The following SFXN5 variants were observed in gnomAD, a reference collection of about 807,000 sequenced individuals.
The protein encoded by SFXN5 is sideroflexin-5.
Under a neutral mutation model 50.2 loss-of-function variants are expected in SFXN5, and 43 were observed. That is an observed-to-expected ratio of 0.86 (90% CI 0.67 to 1.11). SFXN5 has a LOEUF of 1.11. SFXN5 is among the 50% of genes least tolerant of loss of function. The pLI is 0.00. For missense variants in SFXN5, 463 were observed against 454.1 expected (o/e 1.02, Z -0.18); for synonymous variants, 203 against 185.8 (o/e 1.09, Z -0.75).
chr2:72,978,744 G>C (rs1265286759), intron 10 of SFXN5, among the ~76,000 whole-genome samples: 1 of 152,156 alleles, frequency 6.6e-6, no homozygotes, highest in Non-Finnish European at 1.5e-5. Flanking sequence ...TCCATTCCAT[G>C]TCTGGGTACA....
At chr2:73,024,672 G>A (rs1337017889) in intron 3 of SFXN5, among the ~76,000 whole-genome samples, 1 of 152,068 alleles carries the variant, frequency 6.6e-6, no homozygotes, top group Non-Finnish European at 1.5e-5. Context: ...AAAAAAAAAG[G>A]ACACCATGGG....
rs1238019019 is a variant in SFXN5, at chr2:72,964,552, A to G, written c.828-3304T>C. On this transcript the variant is annotated intron_variant, in intron 12 of 13. Transcript: ENST00000272433. ...AGAAAGAGGTGGAGCAGGAACCTAG[A>G]TTTTGTTTTCCTACCAGAGCCTCAG... 2.6e-5 allele frequency among the ~76,000 whole-genome samples: 4 copies of G among 152,300 alleles called. No individual in the cohort carries two copies. In the East Asian group the frequency reaches 7.7e-4, roughly 29 times the overall value.
intron 3 of SFXN5, among the ~76,000 whole-genome samples, chr2:73,031,559 G>A (rs776708202): frequency 6.6e-6 from 1 of 152,202 alleles, no homozygotes; most frequent in Non-Finnish European, 1.5e-5. Context: ...TGGGGTTATT[G>A]GAAACTGCTT....
chr2:73,059,364 G>C (rs896114747), intron 1 of SFXN5: 1 of 985,300 alleles, frequency 1.0e-6, no homozygotes, highest in Non-Finnish European at 1.2e-6. Flanking sequence ...TGCAATCGCT[G>C]GGGTTCATGC....
chr2:72,962,153 G>A (rs1188496454), intron 12 of SFXN5, among the ~76,000 whole-genome samples: 1 of 152,264 alleles, frequency 6.6e-6, no homozygotes, highest in Non-Finnish European at 1.5e-5. Context: ...TCCACCTGGG[G>A]AGGCCTGGGA....
At chr2:72,977,410 CAT>C (rs1222606642) in intron 10 of SFXN5, among the ~76,000 whole-genome samples, 10 of 152,156 alleles carry the variant, frequency 6.6e-5, no homozygotes, top group African/African-American at 2.2e-4. Flanking sequence ...CATAGAAAAA[CAT>C]ATGAGTAGGC....
At chr2:73,023,418 A>C (rs567220983) in intron 3 of SFXN5, among the ~76,000 whole-genome samples, 2 of 152,242 alleles carry the variant, frequency 1.3e-5, no homozygotes, top group South Asian at 4.1e-4. Flanking sequence ...GAGAGGTCCC[A>C]GAATGGCAGA....
rs773365102 is a variant in SFXN5 at position 72,945,092 on chromosome 2, G to A, written c.953C>T (p.Thr318Ile). ...SLFPQMSEIE[T>I]SQLEPEIAQA... ...GGCTATCTCCGGCTCTAATTGGGAT[G>A]TTTCAATCTGTGGAGAGAGAACAGA... Residue 318 changes from threonine (T) to isoleucine (I), a missense_variant, in exon 14 of 14, where the codon ACA becomes ATA. By Grantham distance (89) the Thr-to-Ile change is moderately conservative (BLOSUM62 -1). Coordinates refer to ENST00000272433, the MANE Select transcript of SFXN5 (RefSeq NM_144579.3). The surrounding 1 kb of genome is among the most constrained non-coding windows in gnomAD (Gnocchi z 5.8). 6.8e-6 allele frequency: 11 copies of A among 1,613,728 alleles called. No individual in the cohort carries two copies. Among genetic ancestry groups the A allele is most frequent in the Non-Finnish European group, 8.5e-6 (10 of 1,179,834 alleles).
At chr2:72,989,796 T>C (rs1436018082) in intron 9 of SFXN5, among the ~76,000 whole-genome samples, 2 of 151,686 alleles carry the variant, frequency 1.3e-5, no homozygotes, top group Non-Finnish European at 2.9e-5. Flanking sequence ...AGAAAAGGAG[T>C]TGGGTTGCAG....
At chr2:73,047,253 T>TATATATATATATATACACACAC (rs1338406142) in intron 2 of SFXN5, among the ~76,000 whole-genome samples, 6 of 45,126 alleles carry the variant, frequency 1.3e-4, no homozygotes, top group Non-Finnish European at 2.5e-4. Context: ...AAAATATATA[T>TATATATATATATATACACACAC]ATATATATAT....
chr2:73,027,985 A>G (rs896692155), intron 3 of SFXN5, among the ~76,000 whole-genome samples: 2 of 152,128 alleles, frequency 1.3e-5, no homozygotes, highest in African/African-American at 4.8e-5. Flanking sequence ...CTTTTATGCC[A>G]TATTTTTACT....
chr2:73,010,025 C>T (rs1358367978), intron 6 of SFXN5, among the ~76,000 whole-genome samples: 1 of 152,190 alleles, frequency 6.6e-6, no homozygotes, highest in Non-Finnish European at 1.5e-5. Flanking sequence ...TTTGCCATTT[C>T]AAATACCCAG....
intron 10 of SFXN5, among the ~76,000 whole-genome samples, chr2:72,986,452 T>G (rs6726940): frequency 0.24 from 36,610 of 151,946 alleles, 4,670 homozygotes; most frequent in East Asian, 0.49. Context: ...CAGGGCCCTG[T>G]AGATGACGAT....
intron 12 of SFXN5, among the ~76,000 whole-genome samples, chr2:72,966,410 A>G (rs556813094): frequency 1.3e-5 from 2 of 152,170 alleles, no homozygotes; most frequent in Non-Finnish European, 2.9e-5. Flanking sequence ...AGTCACTGGT[A>G]TTCAGGGACA....
In SFXN5 at chr2:72,961,209, A is replaced by G. The variant is rs764505583; in HGVS notation, c.867T>C (p.Pro289=). The G allele has an allele frequency of 3.2e-6, 5 of 1,547,080 alleles. No homozygotes were observed. Among genetic ancestry groups the G allele is most frequent in the East Asian group, 2.5e-5 (1 of 39,508 alleles). Residue 289 remains proline (P), a synonymous_variant, in exon 13 of 14, where the codon CCT becomes CCC. Transcript: ENST00000272433. The surrounding 1 kb of genome is among the most constrained non-coding windows in gnomAD (Gnocchi z 4.4). ...LLQARPRLLL[P]VQSLVCLAAF... ...CTGCCAGGCACACGAGGCTTTGCAC[A>G]GGGAGGAGCAGCCGGGGGCGTGCCT... is the stretch of plus-strand genomic sequence containing the variant.
At chr2:72,977,297 C>T (rs1243377595) in intron 10 of SFXN5, among the ~76,000 whole-genome samples, 1 of 152,152 alleles carries the variant, frequency 6.6e-6, no homozygotes, top group Non-Finnish European at 1.5e-5. Flanking sequence ...TATTTAAACC[C>T]TCAACAGTTT....
intron 13 of SFXN5, among the ~76,000 whole-genome samples, chr2:72,957,618 C>G (rs1015391039): frequency 6.6e-6 from 1 of 152,250 alleles, no homozygotes; most frequent in Non-Finnish European, 1.5e-5. Context: ...TCAGCCCAAG[C>G]AAGTCCAGAC....
chr2:73,026,843 C>G (rs899149079), intron 3 of SFXN5, among the ~76,000 whole-genome samples: 1 of 152,242 alleles, frequency 6.6e-6, no homozygotes, highest in South Asian at 2.1e-4. Flanking sequence ...ATTCTCCTGC[C>G]TCAGCCTCCC....
chr2:72,953,739 C>T lies in SFXN5; in HGVS notation c.945+7392G>A, dbSNP rs1439692846. On this transcript the variant is annotated intron_variant, in intron 13 of 13. Transcript: ENST00000272433. This position sits in a 1 kb window ranked among gnomAD's most constrained non-coding sequence, Gnocchi z 4.1. The stretch of plus-strand genomic sequence containing the variant: ...CCTGGAGGAGGAGCCATTTCTAGAC[C>T]AGCTTGAATGTGGACTCACATTCCA... Among the ~76,000 whole-genome samples, 1 of 152,192 alleles carries T rather than the reference C, an allele frequency of 6.6e-6. No individual in the cohort carries two copies. Among genetic ancestry groups the T allele is most frequent in the Non-Finnish European group, 1.5e-5 (1 of 68,024 alleles).
Sources: gnomAD v4.1 joint callset for allele counts (sites outside exome capture counted in the v4.1 genomes callset) on GRCh38, gnomAD v4.1.1 for gene constraint, Gnocchi (gnomAD v3.1) non-coding constraint, MANE v1.5 for transcripts, NCBI Gene and HGNC (gene_info 2026-07-23, HGNC 2026-07-21) for gene names.